ACOT7: variants seen among roughly 807,000 people sequenced by gnomAD.
ACOT7 encodes the protein cytosolic acyl coenzyme A thioester hydrolase.
Under a neutral mutation model 40.2 loss-of-function variants are expected in ACOT7, and 12 were observed. The observed-to-expected ratio is 0.30, with a 90% confidence interval of 0.19 to 0.48. ACOT7 has a LOEUF of 0.48. Ranked by LOEUF, ACOT7 falls within the 20% of genes least tolerant of loss-of-function variation. The pLI is 0.99. For missense variants in ACOT7, 395 were observed against 530.8 expected, an observed-to-expected ratio of 0.74 and a Z score of 2.51; for synonymous variants, 228 against 219.5, an observed-to-expected ratio of 1.04 and a Z score of -0.34.
chr1:6,318,023 C>T (rs531985054), intron 6 of ACOT7, among the ~76,000 whole-genome samples: 10 of 152,004 alleles, frequency 6.6e-5, no homozygotes, highest in African/African-American at 2.4e-4. Flanking sequence ...TGACCTATGG[C>T]GCCCAGCCTG....
chr1:6,370,521 G>C (rs182064097), intron 1 of ACOT7, among the ~76,000 whole-genome samples: 1 of 149,332 alleles, frequency 6.7e-6, no homozygotes, highest in Non-Finnish European at 1.5e-5. Flanking sequence ...ATGGAGTCTC[G>C]TTCTGTCACC....
At chr1:6,331,788 G>A (rs1443891668) in intron 4 of ACOT7, among the ~76,000 whole-genome samples, 1 of 152,196 alleles carries the variant, frequency 6.6e-6, no homozygotes, top group Non-Finnish European at 1.5e-5. Flanking sequence ...GCTGGACCCG[G>A]CAGCCAGCCA....
intron 1 of ACOT7, among the ~76,000 whole-genome samples, chr1:6,357,854 C>T (rs1265819642): frequency 6.6e-6 from 1 of 151,306 alleles, no homozygotes; most frequent in Non-Finnish European, 1.5e-5. Context: ...GAAGCTCAAG[C>T]AGCCCTGCTT....
At chr1:6,322,633 T>C (rs1379401524) in intron 5 of ACOT7, among the ~76,000 whole-genome samples, 1 of 152,194 alleles carries the variant, frequency 6.6e-6, no homozygotes, top group Non-Finnish European at 1.5e-5. Context: ...ACAGGGTTGT[T>C]CCTCTGTGTG....
intron 1 of ACOT7, among the ~76,000 whole-genome samples, chr1:6,356,982 T>C (rs1425788499): frequency 6.6e-6 from 1 of 150,614 alleles, no homozygotes; most frequent in East Asian, 2.0e-4. Flanking sequence ...CTCACGCCTG[T>C]AATCCCAGCA....
At chr1:6,393,145 C>A in intron 1 of ACOT7, 112 bp downstream of exon 1, 1 of 1,128,300 alleles carries the variant, frequency 8.9e-7, no homozygotes, top group African/African-American at 1.6e-5. Flanking sequence ...TGCGGGGAAT[C>A]GGCGGGCGGG....
intron 1 of ACOT7, among the ~76,000 whole-genome samples, chr1:6,383,377 C>T (rs762738521): frequency 2.0e-5 from 3 of 150,762 alleles, no homozygotes; most frequent in Non-Finnish European, 3.0e-5. Flanking sequence ...TTAGTAGAGA[C>T]GGGGTTTCAC....
intron 3 of ACOT7, among the ~76,000 whole-genome samples, chr1:6,336,665 C>T (rs1641112046): frequency 6.6e-6 from 1 of 152,194 alleles, no homozygotes; most frequent in African/African-American, 2.4e-5. Flanking sequence ...ATCCTCTGCC[C>T]CCACCTGCAA....
At chr1:6,283,400 G>GATCC (rs1336167533) in intron 7 of ACOT7, among the ~76,000 whole-genome samples, 3 of 152,184 alleles carry the variant, frequency 2.0e-5, no homozygotes, top group African/African-American at 7.2e-5. Context: ...GGCCTCAAGT[G>GATCC]ATCCAACTGC....
chr1:6,291,248 A>G (rs1639654788), intron 7 of ACOT7, among the ~76,000 whole-genome samples: 1 of 152,108 alleles, frequency 6.6e-6, no homozygotes, highest in Non-Finnish European at 1.5e-5. Flanking sequence ...ATCACCCCGG[A>G]TTCTCCAGGT....
chr1:6,324,573 C>T (rs1188031822), intron 5 of ACOT7, among the ~76,000 whole-genome samples: 1 of 152,166 alleles, frequency 6.6e-6, no homozygotes, highest in Non-Finnish European at 1.5e-5. Flanking sequence ...CTAATCCATG[C>T]TTCTCAAAGC....
At chr1:6,276,059 T>A (rs1452284957) in intron 8 of ACOT7, among the ~76,000 whole-genome samples, 1 of 152,148 alleles carries the variant, frequency 6.6e-6, no homozygotes, top group African/African-American at 2.4e-5. Context: ...GGCTTCTCCC[T>A]GGTCAGGGGC....
intron 2 of ACOT7, 149 bp from the exon 3 acceptor site, chr1:6,339,738 G>GTTTT: frequency 1.3e-6 from 1 of 762,296 alleles, no homozygotes; most frequent in Non-Finnish European, 1.9e-6. Flanking sequence ...TTGGCACCGC[G>GTTTT]GTTTTTTTTT....
At chr1:6,383,672 A>G (rs1194068793) in intron 1 of ACOT7, among the ~76,000 whole-genome samples, 1 of 151,028 alleles carries the variant, frequency 6.6e-6, no homozygotes, top group East Asian at 2.0e-4. Flanking sequence ...AGTGGTTGAG[A>G]CTACAGGCAC....
chr1:6,346,808 T>G (rs1641438900), intron 2 of ACOT7, among the ~76,000 whole-genome samples: 1 of 152,030 alleles, frequency 6.6e-6, no homozygotes, highest in South Asian at 2.1e-4. Flanking sequence ...TGTGCTCAGA[T>G]CTGGACTTCC....
chr1:6,314,192 A>G (rs536938393), intron 6 of ACOT7, among the ~76,000 whole-genome samples: 8 of 152,062 alleles, frequency 5.3e-5, no homozygotes, highest in Non-Finnish European at 1.0e-4. Flanking sequence ...AGGGAAAGTA[A>G]TCACAGTACC....
intron 5 of ACOT7, among the ~76,000 whole-genome samples, chr1:6,319,163 T>C (rs1640574668): frequency 6.6e-6 from 1 of 152,224 alleles, no homozygotes; most frequent in African/African-American, 2.4e-5. Flanking sequence ...AAAAAGCCGA[T>C]GACATATAAC....
intron 1 of ACOT7, among the ~76,000 whole-genome samples, chr1:6,383,728 G>C (rs571708639): frequency 6.6e-6 from 1 of 151,062 alleles, no homozygotes; most frequent in African/African-American, 2.4e-5. Flanking sequence ...CTTTTGAGAC[G>C]GAGTCTTGCT....
chr1:6,376,563 C>CA (rs1022188333), intron 1 of ACOT7, among the ~76,000 whole-genome samples: 9 of 151,630 alleles, frequency 5.9e-5, no homozygotes, highest in Non-Finnish European at 8.8e-5. Flanking sequence ...CCCATCTCTA[C>CA]AAAAAATACA....
Sources: allele counts gnomAD v4.1 joint callset (sites outside exome capture counted in the v4.1 genomes callset), GRCh38; gene constraint gnomAD v4.1.1; transcripts MANE v1.5; gene names NCBI Gene and HGNC (gene_info 2026-07-23, HGNC 2026-07-21).